The following DOCK3 variants were observed in gnomAD, a reference collection of about 807,000 sequenced individuals.
The protein encoded by DOCK3 is dedicator of cytokinesis 3.
Under a neutral mutation model 265.6 loss-of-function variants are expected in DOCK3, and 60 were observed. That is an observed-to-expected ratio of 0.23 (90% CI 0.18 to 0.28). DOCK3 has a LOEUF of 0.28. Ranked by LOEUF, DOCK3 falls within the 10% of genes least tolerant of loss-of-function variation. The pLI is 1.00. For synonymous variants in DOCK3, 881 were observed against 938.0 expected (o/e 0.94, Z 1.11); for missense variants, 1,981 against 2,594.3 (o/e 0.76, Z 5.14).
At chr3:51,200,297 G>A (rs968101498) in intron 12 of DOCK3, among the ~76,000 whole-genome samples, 2 of 151,698 alleles carry the variant, frequency 1.3e-5, no homozygotes, top group South Asian at 2.1e-4. Context: ...AAATTTAGAC[G>A]AATGTATAAC....
intron 9 of DOCK3, among the ~76,000 whole-genome samples, chr3:51,144,076 T>C (rs1258367763): frequency 6.6e-6 from 1 of 152,248 alleles, no homozygotes; most frequent in Non-Finnish European, 1.5e-5. Context: ...TCATATGGAT[T>C]GTTCAGCACC....
At chr3:51,263,091 G>A (rs2079950410) in intron 23 of DOCK3, among the ~76,000 whole-genome samples, 1 of 152,168 alleles carries the variant, frequency 6.6e-6, no homozygotes, top group South Asian at 2.1e-4. Flanking sequence ...TACTCCTCGA[G>A]AAGAGCAGCC....
intron 5 of DOCK3, among the ~76,000 whole-genome samples, chr3:50,974,535 T>G (rs1395286915): frequency 6.6e-6 from 1 of 151,836 alleles, no homozygotes; most frequent in Non-Finnish European, 1.5e-5. Context: ...CTGTTTTGGT[T>G]ACTGTAGCCT....
chr3:50,818,811 C>A (rs1365819283), intron 2 of DOCK3, among the ~76,000 whole-genome samples: 4 of 152,118 alleles, frequency 2.6e-5, no homozygotes, highest in Non-Finnish European at 5.9e-5. Flanking sequence ...GTCAGGTGTC[C>A]TCAGACCATT....
chr3:50,901,013 A>AT (rs1036232600), intron 4 of DOCK3: 5 of 373,022 alleles, frequency 1.3e-5, no homozygotes, highest in African/African-American at 8.7e-5. Flanking sequence ...GTGCTGGGAG[A>AT]TTCGCTCCTC....
intron 9 of DOCK3, among the ~76,000 whole-genome samples, chr3:51,126,296 G>A (rs1419217054): frequency 6.6e-6 from 1 of 152,156 alleles, no homozygotes; most frequent in Non-Finnish European, 1.5e-5. Flanking sequence ...TTCTACACCA[G>A]GCAAAAGAGT....
At chr3:51,050,861 C>T (rs886549470) in intron 5 of DOCK3, among the ~76,000 whole-genome samples, 92 of 152,106 alleles carry the variant, frequency 6.0e-4, no homozygotes, top group African/African-American at 2.2e-3. Flanking sequence ...TTAGCCCAGT[C>T]AAGTTAACAT....
chr3:51,118,511 CTTGTTAA>C (rs1364697242), intron 9 of DOCK3, among the ~76,000 whole-genome samples: 1 of 152,128 alleles, frequency 6.6e-6, no homozygotes, highest in Admixed American at 6.5e-5. Flanking sequence ...CCTGAATATC[CTTGTTAA>C]TTTTCTGTCT....
intron 27 of DOCK3, among the ~76,000 whole-genome samples, chr3:51,285,236 T>C (rs2081342991): frequency 6.6e-6 from 1 of 151,932 alleles, no homozygotes; most frequent in Admixed American, 6.6e-5. Flanking sequence ...CCTGACAAGA[T>C]TGGGAGAAAT....
At chr3:50,875,521 A>C (rs2047662231) in intron 3 of DOCK3, among the ~76,000 whole-genome samples, 1 of 152,114 alleles carries the variant, frequency 6.6e-6, no homozygotes, top group Admixed American at 6.5e-5. Flanking sequence ...GGAATTTTGA[A>C]CTTTATCAAA....
intron 3 of DOCK3, among the ~76,000 whole-genome samples, chr3:50,859,512 G>A (rs1343975993): frequency 1.3e-5 from 2 of 151,958 alleles, no homozygotes; most frequent in Admixed American, 6.6e-5. Flanking sequence ...CACTGCGCCC[G>A]GCCCGGTGTG....
intron 2 of DOCK3, among the ~76,000 whole-genome samples, chr3:50,839,863 G>A (rs976667322): frequency 3.3e-5 from 5 of 150,434 alleles, no homozygotes; most frequent in African/African-American, 1.2e-4. Context: ...CTGCCTCCTG[G>A]GTTCAAGCAA....
At chr3:51,239,609 G>C (rs982447866) in intron 21 of DOCK3, among the ~76,000 whole-genome samples, 21 of 150,302 alleles carry the variant, frequency 1.4e-4, no homozygotes, top group Non-Finnish European at 2.8e-4. Flanking sequence ...TAGTTGGTAG[G>C]CTGTTACTGA....
In DOCK3 at chr3:50,698,517, G is replaced by GTTTTTTTTTTTTTTTTTT; in HGVS notation, c.37+23225_37+23242dup. Among the ~76,000 whole-genome samples, 80 of 19,510 alleles carry GTTTTTTTTTTTTTTTTTT rather than the reference G, an allele frequency of 4.1e-3. 26 individuals carry two copies. Among genetic ancestry groups the GTTTTTTTTTTTTTTTTTT allele is most frequent in the Non-Finnish European group, 5.7e-3 (48 of 8,462 alleles). 12.8% of individuals were successfully genotyped at this position (19,510 alleles called of 152,430 possible). ...GTTTCTCTGTGGATGTATGTTTTTG[G>GTTTTTTTTTTTTTTTTTT]TTTTTTTTTTTTTTTTTTTTTTTTT... On this transcript the variant is annotated intron_variant, in intron 1 of 52. Transcript: ENST00000266037.
chr3:51,065,277 AG>A (rs2081551696), intron 6 of DOCK3, among the ~76,000 whole-genome samples: 1 of 152,150 alleles, frequency 6.6e-6, no homozygotes, highest in South Asian at 2.1e-4. Flanking sequence ...TGAACTTTTA[AG>A]TGACCAGGTT....
chr3:51,193,801 C>CTTTTTTTTTTT (rs36051516), intron 12 of DOCK3, among the ~76,000 whole-genome samples: 5 of 126,672 alleles, frequency 3.9e-5, no homozygotes, highest in Non-Finnish European at 4.9e-5. Flanking sequence ...GGGCTTCTCT[C>CTTTTTTTTTTT]TTTTTTTTTT....
At chr3:51,064,414 T>G (rs1406498707) in intron 5 of DOCK3, 34 bp from the exon 6 acceptor site, 1 of 1,611,562 alleles carries the variant, frequency 6.2e-7, no homozygotes, top group Middle Eastern at 1.7e-4. Context: ...CCATGTCTCT[T>G]GTATTTCACC....
intron 33 of DOCK3, among the ~76,000 whole-genome samples, chr3:51,331,054 C>T (rs922511229): frequency 6.6e-6 from 1 of 152,170 alleles, no homozygotes; most frequent in Non-Finnish European, 1.5e-5. Context: ...ATTTGATCAT[C>T]ACAACATACC....
In DOCK3 at chr3:50,783,175, T is replaced by C. The variant is rs528934833; in HGVS notation, c.121+4417T>C. ...GTCTTTTTTGTATGATGACTTCTTT[T>C]CCTCTGGGTAGATATCCAGTAGTGG... On this transcript the variant is annotated intron_variant, in intron 2 of 52. Transcript: ENST00000266037. 5.3e-5 allele frequency among the ~76,000 whole-genome samples: 8 copies of C among 152,286 alleles called. No individual in the cohort carries two copies. In the South Asian group the frequency reaches 1.4e-3, roughly 28 times the overall value.
Sources: allele counts gnomAD v4.1 joint callset (sites outside exome capture counted in the v4.1 genomes callset), GRCh38; gene constraint gnomAD v4.1.1; transcripts MANE v1.5; gene names NCBI Gene and HGNC (gene_info 2026-07-23, HGNC 2026-07-21).